Variants in AUTS2 observed in about 807,000 individuals in gnomAD.
AUTS2 encodes the protein autism susceptibility gene 2 protein.
AUTS2 carries 17 observed loss-of-function variants against 112.4 expected under a neutral mutation model. The observed-to-expected ratio is 0.15, with a 90% confidence interval of 0.10 to 0.23. The LOEUF is 0.23. AUTS2 is among the 10% of genes least tolerant of loss of function. The probability of loss-of-function intolerance (pLI) is 1.00; values close to 1 mark genes in which losing one functional copy is unlikely to be tolerated. For missense variants in AUTS2, 1,510 were observed against 1,701.6 expected, an observed-to-expected ratio of 0.89 and a Z score of 1.98; for synonymous variants, 751 against 702.7, an observed-to-expected ratio of 1.07 and a Z score of -1.09.
chr7:69,634,301 T>G (rs894039043), intron 1 of AUTS2, among the ~76,000 whole-genome samples: 2 of 151,904 alleles, frequency 1.3e-5, no homozygotes, highest in Admixed American at 1.3e-4. Flanking sequence ...TTTGTATTTT[T>G]AGTAGAGACA....
intron 7 of AUTS2, 42 bp downstream of exon 7, chr7:70,763,383 C>T (rs1447058267): frequency 6.9e-7 from 1 of 1,451,346 alleles, no homozygotes; most frequent in South Asian, 1.4e-5. Context: ...TTGCCCTCTC[C>T]CTGGGGATCA....
At chr7:70,615,171 C>T (rs966825342) in intron 5 of AUTS2, among the ~76,000 whole-genome samples, 4 of 152,134 alleles carry the variant, frequency 2.6e-5, no homozygotes, top group Non-Finnish European at 2.9e-5. Flanking sequence ...TCATGAGTTC[C>T]GTCTTCTGTA....
chr7:70,315,492 C>G (rs1304938871), intron 4 of AUTS2, among the ~76,000 whole-genome samples: 5 of 152,160 alleles, frequency 3.3e-5, no homozygotes, highest in Non-Finnish European at 5.9e-5. Context: ...GTCACTGCCC[C>G]TGGCCTGTCT....
intron 5 of AUTS2, among the ~76,000 whole-genome samples, chr7:70,553,371 A>G (rs902090609): frequency 9.2e-5 from 14 of 152,178 alleles, no homozygotes; most frequent in African/African-American, 3.1e-4. Flanking sequence ...CCAGGACACC[A>G]CTGCAAGGGG....
At chr7:69,799,059 A>G (rs978432832) in intron 1 of AUTS2, among the ~76,000 whole-genome samples, 1 of 151,828 alleles carries the variant, frequency 6.6e-6, no homozygotes, top group Non-Finnish European at 1.5e-5. Context: ...GAAAAAAATT[A>G]TATGTAAGTA....
intron 6 of AUTS2, among the ~76,000 whole-genome samples, chr7:70,708,801 A>T (rs1224303334): frequency 6.6e-6 from 1 of 152,168 alleles, no homozygotes; most frequent in African/African-American, 2.4e-5. Flanking sequence ...CTATTGTTAT[A>T]TGAGTTAATT....
intron 5 of AUTS2, among the ~76,000 whole-genome samples, chr7:70,449,971 A>G (rs558129916): frequency 6.6e-6 from 1 of 152,224 alleles, no homozygotes; most frequent in African/African-American, 2.4e-5. Flanking sequence ...AGTAAATTAC[A>G]TATCTAGGGT....
chr7:70,247,016 T>G (rs1812960388), intron 4 of AUTS2, among the ~76,000 whole-genome samples: 1 of 152,128 alleles, frequency 6.6e-6, no homozygotes, highest in African/African-American at 2.4e-5. Flanking sequence ...TCGTTCTTCG[T>G]ATATACCCAA....
Position 69,927,255 on chromosome 7 carries a change from TATATC to T in AUTS2, c.522+27759_522+27763del, listed in dbSNP as rs1796058057. Among the ~76,000 whole-genome samples, 6 of 149,550 alleles carry T rather than the reference TATATC, an allele frequency of 4.0e-5. No individual in the cohort carries two copies. In the South Asian group the frequency reaches 1.0e-3, roughly 26 times the overall value. On this transcript the variant is annotated intron_variant, in intron 2 of 18. Transcript: ENST00000342771. ...ACAGTGGTCTACCTTCACATGATGT[TATATC>T]ACTTCATGAATAATACAAGAATATT...
At chr7:70,383,482 A>G (rs1475878518) in intron 4 of AUTS2, among the ~76,000 whole-genome samples, 17 of 152,202 alleles carry the variant, frequency 1.1e-4, no homozygotes. Context: ...TTGTTACATA[A>G]TCTGCAGAGA....
At chr7:70,034,306 C>G (rs1048674056) in intron 2 of AUTS2, among the ~76,000 whole-genome samples, 1 of 152,124 alleles carries the variant, frequency 6.6e-6, no homozygotes, top group Admixed American at 6.6e-5. Context: ...AAATAAGTAA[C>G]TCTGTGATGC....
intron 3 of AUTS2, among the ~76,000 whole-genome samples, chr7:70,128,833 A>T (rs973612063): frequency 1.3e-5 from 2 of 152,156 alleles, no homozygotes; most frequent in African/African-American, 4.8e-5. Flanking sequence ...TGCAGGCTCT[A>T]GGGAAGAATC....
chr7:69,731,020 G>A (rs1397284533), intron 1 of AUTS2, among the ~76,000 whole-genome samples: 1 of 152,184 alleles, frequency 6.6e-6, no homozygotes, highest in Non-Finnish European at 1.5e-5. Flanking sequence ...TTTGGGCTGG[G>A]CATAGTTGCT....
chr7:70,528,104 T>TTTA (rs1554421908), intron 5 of AUTS2, among the ~76,000 whole-genome samples: 1,310 of 121,124 alleles, frequency 0.011, 20 homozygotes, highest in African/African-American at 0.032. Context: ...TTTTTTTTTT[T>TTTA]TTTTTTTTTT....
intron 5 of AUTS2, among the ~76,000 whole-genome samples, chr7:70,670,741 A>G (rs546997374): frequency 6.0e-4 from 91 of 152,278 alleles, no homozygotes; most frequent in African/African-American, 2.1e-3. Context: ...TAAAAGAATA[A>G]ACAACCCTCA....
chr7:70,475,409 C>G lies in AUTS2; in HGVS notation c.690+39628C>G, dbSNP rs531655339. ...CCTTTTCCACATTCCCACCTTTCCCCCCTCATACTGTTGACTAGTTTTATT... is the reference window on the plus strand; with the variant it reads ...CCTTTTCCACATTCCCACCTTTCCCGCCTCATACTGTTGACTAGTTTTATT... On this transcript the variant is annotated intron_variant, in intron 5 of 18. Transcript: ENST00000342771. Among the ~76,000 whole-genome samples, 53 of 152,306 alleles carry G rather than the reference C, an allele frequency of 3.5e-4. 1 individual carries two copies. The highest frequency in any genetic ancestry group is 9.8e-4 in the Admixed American group (15 of 15,304).
intron 2 of AUTS2, among the ~76,000 whole-genome samples, chr7:70,107,881 C>T (rs545178935): frequency 6.6e-5 from 10 of 151,332 alleles, no homozygotes; most frequent in South Asian, 2.1e-4. Flanking sequence ...GCATGGTGGG[C>T]GTGCCTGTAA....
At chr7:70,437,699 G>C (rs1276625858) in intron 5 of AUTS2, 2 of 152,096 alleles carry the variant, frequency 1.3e-5, no homozygotes, top group African/African-American at 4.8e-5. Flanking sequence ...AATTAGCTGG[G>C]CATTGTGGCG....
At chr7:69,689,645 TTTATTTA>T (rs1205879875) in intron 1 of AUTS2, among the ~76,000 whole-genome samples, 1 of 1,538 alleles carries the variant, frequency 6.5e-4, no homozygotes. Context: ...CGGCCTTTTA[TTTATTTA>T]TTTATTTATT....
Sources: gnomAD v4.1 joint callset for allele counts (sites outside exome capture counted in the v4.1 genomes callset) on GRCh38, gnomAD v4.1.1 for gene constraint, MANE v1.5 for transcripts, NCBI Gene and HGNC (gene_info 2026-07-23, HGNC 2026-07-21) for gene names.